EPHA6: variants seen among roughly 807,000 people sequenced by gnomAD.
EPHA6 encodes ephrin type-A receptor 6.
In EPHA6, 50 loss-of-function variants were observed where a neutral mutation model predicts 112.0. The observed-to-expected ratio is 0.45, with a 90% CI of 0.36 to 0.56. The LOEUF (loss-of-function observed/expected upper bound fraction) is 0.56, where lower values mean the gene tolerates loss of function less well. Among genes scored for constraint, EPHA6 ranks in the 20% least tolerant of loss-of-function variants. EPHA6 has a pLI of 0.00. For missense variants in EPHA6, 1,280 were observed against 1,417.4 expected, an observed-to-expected ratio of 0.90 and a Z score of 1.56; for synonymous variants, 529 against 490.7, an observed-to-expected ratio of 1.08 and a Z score of -1.03.
intron 14 of EPHA6, among the ~76,000 whole-genome samples, chr3:97,649,034 A>G (rs2094088282): frequency 6.6e-6 from 1 of 152,160 alleles, no homozygotes; most frequent in Admixed American, 6.6e-5. Context: ...TGACTGCTTT[A>G]GGCACAAAAC....
chr3:97,160,397 C>G (rs992245857), intron 3 of EPHA6, among the ~76,000 whole-genome samples: 1 of 152,126 alleles, frequency 6.6e-6, no homozygotes, highest in East Asian at 1.9e-4. Flanking sequence ...CTGCCTCAGC[C>G]TCCCGAGTAG....
intron 3 of EPHA6, among the ~76,000 whole-genome samples, chr3:97,165,525 T>C (rs1233255817): frequency 6.6e-6 from 1 of 152,028 alleles, no homozygotes; most frequent in Non-Finnish European, 1.5e-5. Flanking sequence ...ATATCTACAG[T>C]GTCTGGTTCT....
chr3:97,546,917 A>C (rs1050808503), intron 11 of EPHA6, among the ~76,000 whole-genome samples: 99 of 152,240 alleles, frequency 6.5e-4, no homozygotes, highest in African/African-American at 2.3e-3. Context: ...CAGCTCCATC[A>C]GGTCCTTTAA....
intron 6 of EPHA6, among the ~76,000 whole-genome samples, chr3:97,430,524 G>A (rs1370422092): frequency 2.6e-5 from 4 of 151,922 alleles, no homozygotes; most frequent in Non-Finnish European, 4.4e-5. Context: ...ATTGGAATAA[G>A]CCTCAAATCC....
chr3:97,325,944 C>T (rs943401442), intron 5 of EPHA6, among the ~76,000 whole-genome samples: 3 of 151,758 alleles, frequency 2.0e-5, no homozygotes, highest in East Asian at 1.9e-4. Flanking sequence ...ACTTAAGTTG[C>T]GATGCATTTT....
Position 97,716,391 on chromosome 3 carries a change from A to G in EPHA6, c.2785-3870A>G, listed in dbSNP as rs963357338. ...AGACCATCCTGGCTAACAAGGTGAAACCCCGTCTCTACTAAAAATACAAAA... is the reference window on the plus strand; with the variant it reads ...AGACCATCCTGGCTAACAAGGTGAAGCCCCGTCTCTACTAAAAATACAAAA... On this transcript the variant is annotated intron_variant, in intron 14 of 17. Coordinates refer to ENST00000389672, the MANE Select transcript of EPHA6 (RefSeq NM_001080448.3). Among the ~76,000 whole-genome samples the G allele has an allele frequency of 9.1e-4, 119 of 130,372 alleles. 6 individuals carry two copies. Among genetic ancestry groups the G allele is most frequent in the Admixed American group, 3.6e-4 (5 of 14,032 alleles). The allele number at this position is 130,372 out of a possible 152,430, so 85.5% of individuals were successfully genotyped here.
At chr3:97,006,720 C>A (rs1322068426) in intron 3 of EPHA6, among the ~76,000 whole-genome samples, 1 of 152,068 alleles carries the variant, frequency 6.6e-6, no homozygotes, top group Non-Finnish European at 1.5e-5. Flanking sequence ...CAAGATCTTT[C>A]TAGCTTTCTG....
chr3:97,413,491 T>C (rs139476793), intron 6 of EPHA6, among the ~76,000 whole-genome samples: 1 of 151,962 alleles, frequency 6.6e-6, no homozygotes, highest in South Asian at 2.1e-4. Flanking sequence ...ATTTTATGTG[T>C]GAAAACAGGG....
intron 3 of EPHA6, among the ~76,000 whole-genome samples, chr3:97,044,714 G>GA (rs113572613): frequency 3.1e-4 from 46 of 146,476 alleles, no homozygotes; most frequent in Admixed American, 9.5e-4. Flanking sequence ...TATGTTCTAG[G>GA]AAAAAAAAAA....
At chr3:97,405,369 AC>A in intron 6 of EPHA6, 95 bp downstream of exon 6, 1 of 1,136,194 alleles carries the variant, frequency 8.8e-7, no homozygotes, top group Middle Eastern at 2.6e-4. Flanking sequence ...TTTATTTTAA[AC>A]CCTGTTCTTC....
At chr3:96,970,056 A>G (rs148114337) in intron 2 of EPHA6, among the ~76,000 whole-genome samples, 126 of 152,152 alleles carry the variant, frequency 8.3e-4, no homozygotes, top group African/African-American at 2.9e-3. Flanking sequence ...AGACTTTATT[A>G]GTAATTACAG....
chr3:97,710,918 C>T (rs1645425341), intron 14 of EPHA6, among the ~76,000 whole-genome samples: 2 of 152,194 alleles, frequency 1.3e-5, no homozygotes, highest in African/African-American at 4.8e-5. Flanking sequence ...GTATGCTTCA[C>T]TTTATGTAAT....
chr3:97,002,230 G>A (rs1227722573), intron 3 of EPHA6, among the ~76,000 whole-genome samples: 1 of 151,624 alleles, frequency 6.6e-6, no homozygotes, highest in Non-Finnish European at 1.5e-5. Context: ...ATTATGACCA[G>A]GAGGACTTTC....
chr3:97,180,884 C>T (rs2076969614), intron 3 of EPHA6, among the ~76,000 whole-genome samples: 1 of 151,878 alleles, frequency 6.6e-6, no homozygotes, highest in South Asian at 2.1e-4. Flanking sequence ...TATTAGGAGC[C>T]CCGCCCCCCA....
At chr3:97,484,479 G>T (rs1411626224) in intron 10 of EPHA6, among the ~76,000 whole-genome samples, 1 of 152,138 alleles carries the variant, frequency 6.6e-6, no homozygotes, top group Non-Finnish European at 1.5e-5. Flanking sequence ...GTTCAATGTA[G>T]TTTTAGGTCA....
At chr3:97,236,055 C>T (rs2078670332) in intron 4 of EPHA6, among the ~76,000 whole-genome samples, 1 of 151,786 alleles carries the variant, frequency 6.6e-6, no homozygotes, top group South Asian at 2.1e-4. Flanking sequence ...TCAGGTGACT[C>T]ATTAAATATA....
chr3:97,499,908 A>G (rs1287500455), intron 10 of EPHA6, among the ~76,000 whole-genome samples: 4 of 152,098 alleles, frequency 2.6e-5, no homozygotes, highest in Non-Finnish European at 5.9e-5. Flanking sequence ...ACTACACTAA[A>G]TGTATAAAAT....
At chr3:97,304,840 A>G (rs2108732642) in intron 5 of EPHA6, among the ~76,000 whole-genome samples, 1 of 152,228 alleles carries the variant, frequency 6.6e-6, no homozygotes, top group South Asian at 2.1e-4. Flanking sequence ...CAAAGATTTC[A>G]TGACAGAAAC....
intron 14 of EPHA6, among the ~76,000 whole-genome samples, chr3:97,670,468 C>T (rs1196536078): frequency 2.0e-5 from 3 of 152,156 alleles, no homozygotes; most frequent in East Asian, 1.9e-4. Flanking sequence ...ATCTTTCTTT[C>T]CATAGAGTTT....
Sources: gnomAD v4.1 joint callset for allele counts (sites outside exome capture counted in the v4.1 genomes callset) on GRCh38, gnomAD v4.1.1 for gene constraint, MANE v1.5 for transcripts, NCBI Gene and HGNC (gene_info 2026-07-23, HGNC 2026-07-21) for gene names.